ODAD4: variants seen among roughly 807,000 people sequenced by gnomAD.
ODAD4 encodes outer dynein arm-docking complex subunit 4.
Under a neutral mutation model 51.8 loss-of-function variants are expected in ODAD4, and 49 were observed. That is an observed-to-expected ratio of 0.95 (90% CI 0.75 to 1.20). The LOEUF (loss-of-function observed/expected upper bound fraction) is 1.20, where lower values mean the gene tolerates loss of function less well. Among genes scored for constraint, ODAD4 ranks in the 50% most tolerant of loss-of-function variants. The pLI is 0.00. For missense variants in ODAD4, 590 were observed against 586.5 expected, an observed-to-expected ratio of 1.01 and a Z score of -0.06; for synonymous variants, 235 against 221.3, an observed-to-expected ratio of 1.06 and a Z score of -0.55.
chr17:41,936,233 A>T (rs2050424461), intron 3 of ODAD4, among the ~76,000 whole-genome samples: 1 of 152,174 alleles, frequency 6.6e-6, no homozygotes, highest in Admixed American at 6.5e-5. Flanking sequence ...TTTCCCCTGC[A>T]TCCTTGGCCT....
intron 10 of ODAD4, among the ~76,000 whole-genome samples, chr17:41,958,302 G>A (rs927234752): frequency 1.3e-5 from 2 of 152,048 alleles, no homozygotes; most frequent in Admixed American, 6.6e-5. Flanking sequence ...TCCACGTTGT[G>A]CACTTGTAAT....
chr17:41,938,803 T>G (rs782325185), intron 6 of ODAD4, 22 bp downstream of exon 6: 3 of 1,609,074 alleles, frequency 1.9e-6, no homozygotes, highest in Non-Finnish European at 2.5e-6. Context: ...TCTCAGAGGG[T>G]GGGGCAGGTG....
At position 41,930,881 on chromosome 17, in the gene ODAD4, C is replaced by CTTTTTTTTTTTTTT. The variant is rs782820445; in HGVS notation, c.114+60_114+73dup. 16 of 97,238 alleles carry CTTTTTTTTTTTTTT rather than the reference C, an allele frequency of 1.6e-4. 1 individual carries two copies. Among genetic ancestry groups the CTTTTTTTTTTTTTT allele is most frequent in the African/African-American group, 4.9e-4 (6 of 12,132 alleles). 6.0% of individuals were successfully genotyped at this position (97,238 alleles called of 1,614,324 possible). A position where few individuals can be genotyped will look rare whatever the true frequency, so the allele number is the denominator to read the frequency against. On this transcript the variant is annotated intron_variant, in intron 1 of 11. Transcript: ENST00000377540. ...CTATCCATCACCCCATCACCCGTCA[C>CTTTTTTTTTTTTTT]TTTTTTTTTTTTTTTTTTTTTTTTT...
intron 9 of ODAD4, among the ~76,000 whole-genome samples, chr17:41,954,275 C>T (rs575385979): frequency 6.6e-6 from 1 of 152,208 alleles, no homozygotes; most frequent in East Asian, 1.9e-4. Flanking sequence ...ACGTGAGCCA[C>T]CACGCCCGGC....
intron 7 of ODAD4, among the ~76,000 whole-genome samples, chr17:41,944,820 T>C (rs1489133462): frequency 1.3e-5 from 2 of 152,122 alleles, no homozygotes; most frequent in African/African-American, 2.4e-5. Flanking sequence ...TTAATGCTTA[T>C]TATTATAAAC....
chr17:41,944,418 ACACACACACACACACACACACACACAC>A (rs1174257114), intron 7 of ODAD4, among the ~76,000 whole-genome samples: 33 of 13,434 alleles, frequency 2.5e-3, no homozygotes, highest in South Asian at 0.019. Flanking sequence ...ACACACACAC[ACACACACACACACACACACACACACAC>A]CCCCCCGCAT....
Position 41,965,668 on chromosome 17 carries a change from T to A in ODAD4, c.*185T>A. 2 of 564,658 alleles carry A rather than the reference T, an allele frequency of 3.5e-6. No individual in the cohort carries two copies. Among genetic ancestry groups the A allele is most frequent in the Non-Finnish European group, 6.2e-6 (2 of 320,754 alleles). The allele number at this position is 564,658 out of a possible 1,614,324, so 35.0% of individuals were successfully genotyped here. On this transcript the variant is annotated 3_prime_UTR_variant, in exon 12 of 12. Coordinates refer to ENST00000377540, the MANE Select transcript of ODAD4 (RefSeq NM_031421.5). ...TCTTGCAAACCCTGAGTCTGTCACTTTGCCTCTTCACCCCTGCCCATTCTT... is the reference window on the plus strand; with the variant it reads ...TCTTGCAAACCCTGAGTCTGTCACTATGCCTCTTCACCCCTGCCCATTCTT...
At position 41,961,390 on chromosome 17, in the gene ODAD4, C is replaced by T. The variant is rs370439442; in HGVS notation, c.1452C>T (p.Asp484=). The change falls in exon 11 of 12, where the codon GAC becomes GAT. Residue 484 remains aspartate, a synonymous_variant. Coordinates refer to ENST00000377540, the MANE Select transcript of ODAD4 (RefSeq NM_031421.5). ...CCCTCTACCATCCACAGGCCTTGGA[C>T]GATGCCAACAAGGGTATCATCAGAG... ...EAQQAIISAL[D]DANKGIIREL... The T allele has an allele frequency of 4.0e-6, 3 of 745,500 alleles. No individual in the cohort carries two copies. Among genetic ancestry groups the T allele is most frequent in the Admixed American group, 1.9e-5 (1 of 53,546 alleles). 46.2% of individuals were successfully genotyped at this position (745,500 alleles called of 1,614,324 possible).
Position 41,965,215 on chromosome 17 carries a change from G to C in ODAD4, c.1751G>C (p.Gly584Ala). Residue 584 changes from glycine to alanine, a missense_variant, in exon 12 of 12, where the codon GGC becomes GCC. Gly to Ala is a moderately conservative substitution (Grantham distance 60). Around this residue, in one of 3 missense-constraint regions of ODAD4, gnomAD observed 226 missense variants for 162.7 expected, o/e 1.39. Coordinates refer to ENST00000377540, the MANE Select transcript of ODAD4 (RefSeq NM_031421.5). ...ARSDLGAVAK[G>A]LSGELGTRSG... is the part of the protein sequence containing the mutation. ...AGCGATTTGGGAGCAGTTGCCAAGG[G>C]CCTGTCAGGAGAATTAGGCACAAGA... 1.3e-6 allele frequency: 1 copy of C among 775,184 alleles called. No individual in the cohort carries two copies. Among genetic ancestry groups the C allele is most frequent in the South Asian group, 1.4e-5 (1 of 73,528 alleles). The allele number at this position is 775,184 out of a possible 1,614,324, so 48.0% of individuals were successfully genotyped here. A position where few individuals can be genotyped will look rare whatever the true frequency, so the allele number is the denominator to read the frequency against.
rs782435915 is a variant in ODAD4, at chr17:41,938,693, G to A, written c.762G>A (p.Leu254=). 6.2e-7 allele frequency: 1 copy of A among 1,613,960 alleles called. No individual in the cohort carries two copies. Among genetic ancestry groups the A allele is most frequent in the African/African-American group, 1.3e-5 (1 of 75,052 alleles). Residue 254 remains leucine (L), a synonymous_variant, in exon 6 of 12, where the codon CTG becomes CTA. Coordinates refer to ENST00000377540, the MANE Select transcript of ODAD4 (RefSeq NM_031421.5). ...PIYARERDRK[L]MQEKWLRDHK... The stretch of plus-strand genomic sequence containing the variant: ...ACGCCAGGGAGCGGGACCGGAAGCT[G>A]ATGCAAGAGAAATGGCTGCGGGACC...
chr17:41,940,071 C>T (rs530236418), intron 7 of ODAD4, among the ~76,000 whole-genome samples: 72 of 152,300 alleles, frequency 4.7e-4, no homozygotes, highest in African/African-American at 1.7e-3. Context: ...GAGGTTCCAT[C>T]GCTTTCTCAG....
At chr17:41,944,438 A>AC (rs2050555808) in intron 7 of ODAD4, among the ~76,000 whole-genome samples, 1 of 3,974 alleles carries the variant, frequency 2.5e-4, no homozygotes, top group Admixed American at 4.1e-3. Context: ...ACACACACAC[A>AC]CACACACCCC....
At position 41,945,131 on chromosome 17, in the gene ODAD4, C is replaced by T; in HGVS notation, c.1059-5C>T. On this transcript the variant is annotated splice_polypyrimidine_tract_variant and splice_region_variant and intron_variant, in intron 7 of 11. Transcript: ENST00000377540. Reference sequence around the variant, plus strand: ...TGAATGGCTTGTTTTGCTTCTTCCCCACAGTGACCTTCCTGATGCAAAATC... The same window carrying T: ...TGAATGGCTTGTTTTGCTTCTTCCCTACAGTGACCTTCCTGATGCAAAATC... The T allele has an allele frequency of 1.2e-6, 2 of 1,611,838 alleles. No individual in the cohort carries two copies. Among genetic ancestry groups the T allele is most frequent in the African/African-American group, 2.7e-5 (2 of 74,986 alleles).
At chr17:41,944,383 AACACACATACACACACAC>A (rs2050548550) in intron 7 of ODAD4, among the ~76,000 whole-genome samples, 2 of 115,828 alleles carry the variant, frequency 1.7e-5, no homozygotes, top group African/African-American at 7.7e-5. Context: ...ACAAACCCCA[AACACACATACACACACAC>A]ACACACACAC....
chr17:41,930,633 TTGC>T lies in ODAD4; in HGVS notation c.-89_-87del. 1.2e-6 allele frequency: 1 copy of T among 848,066 alleles called. No individual in the cohort carries two copies. The highest frequency in any genetic ancestry group is 1.9e-6 in the Non-Finnish European group (1 of 526,868). The allele number at this position is 848,066 out of a possible 1,614,324, so 52.5% of individuals were successfully genotyped here. A position where few individuals can be genotyped will look rare whatever the true frequency, so the allele number is the denominator to read the frequency against. On this transcript the variant is annotated 5_prime_UTR_variant, in exon 1 of 12. Transcript: ENST00000377540. ...CCGGAAGTCGCTGTACATCTCATGG[TTGC>T]TAAGAAACGGAGCTTCCACAAACCA...
chr17:41,951,883 CAAAAAAA>C (rs55769009), intron 9 of ODAD4, among the ~76,000 whole-genome samples: 13 of 35,546 alleles, frequency 3.7e-4, no homozygotes, highest in Non-Finnish European at 5.0e-4. Flanking sequence ...GACTCTGTCG[CAAAAAAA>C]AAAAAAAAAA....
chr17:41,936,652 A>G, intron 4 of ODAD4, 110 bp from the exon 5 acceptor site: 1 of 1,536,572 alleles, frequency 6.5e-7, no homozygotes, highest in Non-Finnish European at 8.9e-7. Flanking sequence ...CTCTTGGCCC[A>G]CAGAAAGGTC....
rs782736846 is a variant in ODAD4, at chr17:41,938,744, C to G, written c.813C>G (p.Ala271=). 1.2e-6 allele frequency: 2 copies of G among 1,613,606 alleles called. No homozygotes were observed. The highest frequency in any genetic ancestry group is 8.5e-7 in the Non-Finnish European group (1 of 1,179,888). ...ACAAACGCCGTCCCTCACAGACAGC[C>G]CATTACATCCTCAAGAGCCTGGAGG... ...RDHKRRPSQT[A]HYILKSLEDI... The change falls in exon 6 of 12, where the codon GCC becomes GCG. Residue 271 remains alanine (A), a synonymous_variant. Coordinates refer to ENST00000377540, the MANE Select transcript of ODAD4 (RefSeq NM_031421.5).
chr17:41,932,726 C>CTTTTTTTTT (rs10712306), intron 1 of ODAD4, among the ~76,000 whole-genome samples: 1 of 112,052 alleles, frequency 8.9e-6, no homozygotes. Flanking sequence ...TTCTTTTCTT[C>CTTTTTTTTT]TTTTTTTTTT....
Sources: allele counts gnomAD v4.1 joint callset (sites outside exome capture counted in the v4.1 genomes callset), GRCh38; gene constraint gnomAD v4.1.1; regional missense constraint gnomAD v4.1.1; transcripts MANE v1.5; gene names NCBI Gene and HGNC (gene_info 2026-07-23, HGNC 2026-07-21).